Variants in MYO10 observed in about 807,000 individuals in gnomAD.
The protein encoded by MYO10 is myosin X, also known as unconventional myosin-X.
Under a neutral mutation model 257.3 loss-of-function variants are expected in MYO10, and 133 were observed. The ratio of observed to expected loss-of-function variants is 0.52; its 90% CI spans 0.45 to 0.60. The LOEUF is 0.60. MYO10 is among the 20% of genes least tolerant of loss of function. The probability of loss-of-function intolerance (pLI) is 0.00; values close to 1 mark genes in which losing one functional copy is unlikely to be tolerated. For synonymous variants in MYO10, 1,104 were observed against 1,028.6 expected (o/e 1.07, Z -1.40); for missense variants, 2,399 against 2,635.7 (o/e 0.91, Z 1.97).
Position 16,729,618 on chromosome 5 carries a change from G to A in MYO10, c.1930-18373C>T, listed in dbSNP as rs905061943. ...AGGCACCACACCCGGCTAATTTTTTGTATTTTTAGTAGAGATGGGGTTTCA... is the reference window on the plus strand; with the variant it reads ...AGGCACCACACCCGGCTAATTTTTTATATTTTTAGTAGAGATGGGGTTTCA... On this transcript the variant is annotated intron_variant, in intron 19 of 40. Coordinates refer to ENST00000513610, the MANE Select transcript of MYO10 (RefSeq NM_012334.3). Among the ~76,000 whole-genome samples the A allele has an allele frequency of 4.0e-5, 6 of 151,848 alleles. No homozygotes were observed. In the South Asian group the frequency reaches 1.0e-3, roughly 26 times the overall value.
At chr5:16,789,590 C>A (rs191397964) in intron 4 of MYO10, among the ~76,000 whole-genome samples, 4 of 152,170 alleles carry the variant, frequency 2.6e-5, no homozygotes, top group East Asian at 1.9e-4. Flanking sequence ...GAGTTGGAGA[C>A]CAGCCTGACC....
chr5:16,778,901 A>G lies in MYO10; in HGVS notation c.930+644T>C, dbSNP rs369207908. ...GAGACGGGGTTTCACCGTGTTAGCC[A>G]GGATGGTCTCAATCTCCTGACCTCG... is the stretch of plus-strand genomic sequence containing the variant. On this transcript the variant is annotated intron_variant, in intron 9 of 40. Coordinates refer to ENST00000513610, the MANE Select transcript of MYO10 (RefSeq NM_012334.3). Among the ~76,000 whole-genome samples the G allele has an allele frequency of 2.0e-5, 3 of 152,050 alleles. No homozygotes were observed. In the South Asian group the frequency reaches 6.2e-4, roughly 32 times the overall value.
intron 19 of MYO10, among the ~76,000 whole-genome samples, chr5:16,740,568 G>A (rs1307623889): frequency 1.3e-5 from 2 of 152,114 alleles, no homozygotes; most frequent in African/African-American, 4.8e-5. Flanking sequence ...CCTCCCGGGA[G>A]GGAAGCCGAC....
intron 2 of MYO10, among the ~76,000 whole-genome samples, chr5:16,824,760 A>C (rs1002190244): frequency 1.3e-5 from 2 of 151,956 alleles, no homozygotes; most frequent in African/African-American, 2.4e-5. Context: ...CCAGCTACTC[A>C]GGAGGCTGAG....
chr5:16,852,084 T>G (rs950564607), intron 2 of MYO10, among the ~76,000 whole-genome samples: 3 of 138,460 alleles, frequency 2.2e-5, no homozygotes, highest in African/African-American at 8.1e-5. Flanking sequence ...AAAAGAAGAC[T>G]TACTGATCAC....
intron 19 of MYO10, among the ~76,000 whole-genome samples, chr5:16,743,274 G>A (rs1427509900): frequency 6.6e-6 from 1 of 152,192 alleles, no homozygotes; most frequent in African/African-American, 2.4e-5. Context: ...TAACTCGCAA[G>A]TTGATGCTTC....
intron 2 of MYO10, among the ~76,000 whole-genome samples, chr5:16,848,351 G>T (rs1743701996): frequency 6.6e-6 from 1 of 151,840 alleles, no homozygotes; most frequent in African/African-American, 2.4e-5. Context: ...GTAGAGACAG[G>T]GTTTCACCAT....
intron 1 of MYO10, among the ~76,000 whole-genome samples, chr5:16,885,035 T>C (rs1433160202): frequency 1.3e-5 from 2 of 152,166 alleles, no homozygotes; most frequent in African/African-American, 2.4e-5. Flanking sequence ...GCAGACCTAA[T>C]TTCTGGTATC....
intron 14 of MYO10, 75 bp from the exon 15 acceptor site, chr5:16,762,712 C>A: frequency 8.6e-7 from 1 of 1,167,070 alleles, no homozygotes; most frequent in Non-Finnish European, 1.2e-6. Flanking sequence ...GCCTGTAATT[C>A]CAGCACTTTG....
At chr5:16,790,997 G>A (rs1741734578) in intron 4 of MYO10, among the ~76,000 whole-genome samples, 1 of 151,690 alleles carries the variant, frequency 6.6e-6, no homozygotes, top group African/African-American at 2.4e-5. Context: ...ATTAAAACTA[G>A]ACCTTAAGAG....
chr5:16,752,317 G>A (rs911776140), intron 19 of MYO10, among the ~76,000 whole-genome samples: 1 of 152,138 alleles, frequency 6.6e-6, no homozygotes, highest in Non-Finnish European at 1.5e-5. Context: ...GAGTCTTGCT[G>A]TATTCCACAG....
chr5:16,666,589 G>A lies in MYO10; in HGVS notation c.*103C>T. ...AGACCAGAAGCTTCCAGAAAGCCTG[G>A]GCAGCTCTGTGTTTGTTTTGGCTGG... On this transcript the variant is annotated 3_prime_UTR_variant, in exon 41 of 41. Transcript: ENST00000513610. The A allele has an allele frequency of 1.1e-6, 1 of 938,866 alleles. No individual in the cohort carries two copies. The highest frequency in any genetic ancestry group is 1.6e-6 in the Non-Finnish European group (1 of 635,936). The allele number at this position is 938,866 out of a possible 1,614,324, so 58.2% of individuals were successfully genotyped here. A position where few individuals can be genotyped will look rare whatever the true frequency, so the allele number is the denominator to read the frequency against.
chr5:16,762,494 C>T, intron 15 of MYO10, 51 bp downstream of exon 15: 1 of 1,427,242 alleles, frequency 7.0e-7, no homozygotes, highest in South Asian at 1.2e-5. Context: ...GTAATCCCAA[C>T]CCACAGACGT....
chr5:16,882,266 A>G (rs1178382057), intron 1 of MYO10, among the ~76,000 whole-genome samples: 1 of 152,218 alleles, frequency 6.6e-6, no homozygotes, highest in Admixed American at 6.6e-5. Flanking sequence ...TGGATATAAT[A>G]AAAGGGGCTG....
chr5:16,921,577 G>A (rs1745985523), intron 1 of MYO10, among the ~76,000 whole-genome samples: 1 of 151,038 alleles, frequency 6.6e-6, no homozygotes, highest in Non-Finnish European at 1.5e-5. Context: ...ACTGTGAAAG[G>A]CCATTAGGAA....
rs1738145594 is a variant in MYO10 at position 16,702,823 on chromosome 5, G to GT, written c.2510+101dup. On this transcript the variant is annotated intron_variant, in intron 23 of 40. Coordinates refer to ENST00000513610, the MANE Select transcript of MYO10 (RefSeq NM_012334.3). Reference sequence around the variant, plus strand: ...CTAGAGTTACTGTTTCAAATTGTAGGTTCTGGGGCATCTGCTGGGATTTCT... The same window carrying GT: ...CTAGAGTTACTGTTTCAAATTGTAGGTTTCTGGGGCATCTGCTGGGATTTCT... 1.5e-5 allele frequency: 17 copies of GT among 1,137,466 alleles called. No individual in the cohort carries two copies. In the South Asian group the frequency reaches 2.7e-4, roughly 18 times the overall value. 70.5% of individuals were successfully genotyped at this position (1,137,466 alleles called of 1,614,324 possible).
At chr5:16,927,200 TTATCAGAAACA>T (rs1436711301) in intron 1 of MYO10, among the ~76,000 whole-genome samples, 1 of 152,162 alleles carries the variant, frequency 6.6e-6, no homozygotes, top group African/African-American at 2.4e-5. Context: ...CAGGTGTGTT[TTATCAGAAACA>T]TATATATGAA....
At chr5:16,710,755 G>A (rs1384594439) in intron 21 of MYO10, 153 bp downstream of exon 21, 3 of 650,028 alleles carry the variant, frequency 4.6e-6, no homozygotes, top group East Asian at 2.7e-5. Flanking sequence ...AACTGTTTGG[G>A]AGACAAAAGG....
chr5:16,881,056 A>G (rs1479134127), intron 1 of MYO10, among the ~76,000 whole-genome samples: 1 of 152,206 alleles, frequency 6.6e-6, no homozygotes, highest in East Asian at 1.9e-4. Context: ...ACTTTTACTC[A>G]TTAGGTTAAA....
Sources: gnomAD v4.1 joint callset for allele counts (sites outside exome capture counted in the v4.1 genomes callset) on GRCh38, gnomAD v4.1.1 for gene constraint, MANE v1.5 for transcripts, NCBI Gene and HGNC (gene_info 2026-07-23, HGNC 2026-07-21) for gene names.